The following UPP2 variants were observed in gnomAD, a reference collection of about 807,000 sequenced individuals.
The protein encoded by UPP2 is UPase 2.
Under a neutral mutation model 26.7 loss-of-function variants are expected in UPP2, and 23 were observed. The observed-to-expected ratio is 0.86, with a 90% confidence interval of 0.62 to 1.22. UPP2 has a LOEUF of 1.22. Among genes scored for constraint, UPP2 ranks in the 50% most tolerant of loss-of-function variants. The probability of loss-of-function intolerance (pLI) is 0.00; values close to 1 mark genes in which losing one functional copy is unlikely to be tolerated. For synonymous variants in UPP2, 127 were observed against 141.3 expected (o/e 0.90, Z 0.72); for missense variants, 387 against 396.7 (o/e 0.98, Z 0.21).
chr2:158,058,163 T>G (rs139940858), intron 3 of UPP2, among the ~76,000 whole-genome samples: 6,074 of 151,832 alleles, frequency 0.04, 394 homozygotes, highest in African/African-American at 0.14. Flanking sequence ...TATTGTGGCG[T>G]GCGCCTGTAG....
At chr2:158,027,408 A>G (rs2105153515) in intron 3 of UPP2, among the ~76,000 whole-genome samples, 1 of 152,316 alleles carries the variant, frequency 6.6e-6, no homozygotes, top group Middle Eastern at 3.4e-3. Flanking sequence ...TAAAGCGCCA[A>G]AATGATCTCT....
Position 158,118,209 on chromosome 2 carries a change from G to A in UPP2, c.454+271G>A, listed in dbSNP as rs191133194. Among the ~76,000 whole-genome samples the A allele has an allele frequency of 3.5e-3, 537 of 151,916 alleles. 7 individuals are homozygous for A. Among genetic ancestry groups the A allele is most frequent in the Non-Finnish European group, 3.9e-3 (266 of 67,874 alleles). On this transcript the variant is annotated intron_variant, in intron 4 of 6. Coordinates refer to ENST00000005756, the MANE Select transcript of UPP2 (RefSeq NM_173355.4). ...AAAGGGAAGAGTAGAAAAATTGTTA[G>A]AAGATATGTTTTGAGGGTAGGGGTA...
intron 6 of UPP2, chr2:158,126,603 A>T (rs1683699554): frequency 6.6e-6 from 1 of 152,180 alleles, no homozygotes; most frequent in Non-Finnish European, 1.5e-5. Flanking sequence ...TTACTACTTC[A>T]TAACATCCTG....
chr2:158,111,575 T>A (rs1683321131), intron 2 of UPP2, among the ~76,000 whole-genome samples: 1 of 152,188 alleles, frequency 6.6e-6, no homozygotes, highest in African/African-American at 2.4e-5. Context: ...TTAATGTAAT[T>A]ATTGATATGT....
At chr2:158,046,460 T>G (rs749596614) in intron 3 of UPP2, among the ~76,000 whole-genome samples, 8 of 152,214 alleles carry the variant, frequency 5.3e-5, no homozygotes, top group Admixed American at 1.3e-4. Flanking sequence ...TGCCCCAAGT[T>G]GTTTTTCTGT....
chr2:158,055,902 T>C (rs1682238641), intron 3 of UPP2, among the ~76,000 whole-genome samples: 1 of 152,186 alleles, frequency 6.6e-6, no homozygotes, highest in Non-Finnish European at 1.5e-5. Context: ...CTTCCCTGGA[T>C]GGCAAGGTCA....
intron 3 of UPP2, among the ~76,000 whole-genome samples, chr2:158,081,155 T>C (rs1226166456): frequency 6.6e-6 from 1 of 152,128 alleles, no homozygotes; most frequent in Non-Finnish European, 1.5e-5. Flanking sequence ...AGGAATTGTA[T>C]GAAATGATGA....
At chr2:158,073,913 G>A (rs985767797) in intron 3 of UPP2, among the ~76,000 whole-genome samples, 9 of 152,310 alleles carry the variant, frequency 5.9e-5, no homozygotes, top group East Asian at 3.9e-4. Context: ...AGTGGCTGAC[G>A]TCTGTAATTC....
chr2:158,068,967 G>A (rs113891134), intron 3 of UPP2, among the ~76,000 whole-genome samples: 4,024 of 149,658 alleles, frequency 0.027, 181 homozygotes, highest in African/African-American at 0.093. Context: ...ACAGGTGCCC[G>A]CCACCACGCC....
intron 3 of UPP2, among the ~76,000 whole-genome samples, chr2:158,093,622 A>C (rs1682943848): frequency 6.6e-6 from 1 of 152,312 alleles, no homozygotes; most frequent in African/African-American, 2.4e-5. Flanking sequence ...AAGGCGTTTA[A>C]TCTCACTAGT....
chr2:158,023,232 G>C lies in UPP2; in HGVS notation c.147+7346G>C, dbSNP rs544648845. 3.4e-5 allele frequency among the ~76,000 whole-genome samples: 5 copies of C among 147,020 alleles called. 1 individual carries two copies. Among genetic ancestry groups the C allele is most frequent in the East Asian group, 4.2e-4 (2 of 4,772 alleles). Reference sequence around the variant, plus strand: ...GAGGTCATGGGGTTGCTGTCAGTTGGGGGGGGGCATTTGGAAGGCTTTCAG... The same window carrying C: ...GAGGTCATGGGGTTGCTGTCAGTTGCGGGGGGGCATTTGGAAGGCTTTCAG... On this transcript the variant is annotated intron_variant, in intron 3 of 9. Transcript: ENST00000605860.
At chr2:158,058,524 C>A (rs973214282) in intron 3 of UPP2, among the ~76,000 whole-genome samples, 1 of 151,580 alleles carries the variant, frequency 6.6e-6, no homozygotes, top group Non-Finnish European at 1.5e-5. Context: ...GGAAGACAGG[C>A]CTCTCCAGAA....
intron 3 of UPP2, among the ~76,000 whole-genome samples, chr2:158,025,114 A>C (rs2105151740): frequency 6.6e-6 from 1 of 151,686 alleles, no homozygotes; most frequent in African/African-American, 2.4e-5. Flanking sequence ...AGGCAGGAGA[A>C]TCGCTTGAAC....
At chr2:158,094,690 G>T (rs1186913303) in intron 3 of UPP2, among the ~76,000 whole-genome samples, 2 of 152,148 alleles carry the variant, frequency 1.3e-5, no homozygotes, top group Non-Finnish European at 2.9e-5. Context: ...GAAATTTCAT[G>T]ACTTTGGGGG....
Position 157,995,358 on chromosome 2 carries a change from T to C in UPP2, c.61+99T>C, listed in dbSNP as rs1683308936. 2 of 1,313,188 alleles carry C rather than the reference T, an allele frequency of 1.5e-6. 1 individual carries two copies. Among genetic ancestry groups the C allele is most frequent in the South Asian group, 2.5e-5 (2 of 78,838 alleles). The allele number at this position is 1,313,188 out of a possible 1,614,324, so 81.3% of individuals were successfully genotyped here. ...AATTAATTTTGAATTATGTGGTTGA[T>C]GTTTTCCACATTTCAGCTTCCATCA... On this transcript the variant is annotated intron_variant, in intron 2 of 9. Coordinates refer to the UPP2 transcript ENST00000605860.
chr2:158,035,887 C>T lies in UPP2; in HGVS notation c.147+20001C>T, dbSNP rs138271719. ...AAACAGCTGTCATCCTTACAAGCTA[C>T]TGGAATAGGGGATTTCTAGGAAGTT... is the stretch of plus-strand genomic sequence containing the variant. On this transcript the variant is annotated intron_variant, in intron 3 of 9. Coordinates refer to the UPP2 transcript ENST00000605860. 9.0e-3 allele frequency among the ~76,000 whole-genome samples: 1,376 copies of T among 152,310 alleles called. 18 individuals are homozygous for T. Among genetic ancestry groups the T allele is most frequent in the African/African-American group, 0.031 (1,307 of 41,564 alleles).
chr2:158,058,888 G>A (rs527323005), intron 3 of UPP2, among the ~76,000 whole-genome samples: 4 of 152,264 alleles, frequency 2.6e-5, no homozygotes, highest in African/African-American at 9.6e-5. Flanking sequence ...GAGAGTTGCA[G>A]GCACAATGCC....
intron 2 of UPP2, among the ~76,000 whole-genome samples, chr2:158,010,515 A>T (rs1683558120): frequency 6.6e-6 from 1 of 152,076 alleles, no homozygotes; most frequent in Non-Finnish European, 1.5e-5. Flanking sequence ...TTGCATTTTC[A>T]CAGTTACGGG....
At chr2:158,045,872 G>T (rs966928558) in intron 3 of UPP2, among the ~76,000 whole-genome samples, 4 of 152,126 alleles carry the variant, frequency 2.6e-5, no homozygotes, top group African/African-American at 9.7e-5. Context: ...GCCGCCAATT[G>T]TAGCTGCAAG....
Sources: allele counts gnomAD v4.1 joint callset (sites outside exome capture counted in the v4.1 genomes callset), GRCh38; gene constraint gnomAD v4.1.1; transcripts MANE v1.5; gene names NCBI Gene and HGNC (gene_info 2026-07-23, HGNC 2026-07-21).